Variants in EPCIP observed in about 807,000 individuals in gnomAD.
EPCIP encodes the protein exosomal polycystin 1 interacting protein.
chr21:32,797,234 A>C, the EPCIP span: 1 of 268,660 alleles, frequency 3.7e-6, no homozygotes, highest in Non-Finnish European at 7.5e-6. Context: ...CTAGTTGGAA[A>C]TTTTCCTCCT....
At chr21:32,808,645 C>G in the EPCIP span, among the ~76,000 whole-genome samples, 3 of 152,192 alleles carry the variant, frequency 2.0e-5, no homozygotes, top group African/African-American at 7.2e-5. Flanking sequence ...AATGTGGGAT[C>G]CTGGATGAGA....
the EPCIP span, chr21:32,810,556 C>T: frequency 8.3e-5 from 39 of 468,930 alleles, no homozygotes; most frequent in South Asian, 5.3e-4. Flanking sequence ...CCACCATGCC[C>T]GGCCCTGATC....
At chr21:32,810,294 C>T in the EPCIP span, among the ~76,000 whole-genome samples, 1,049 of 139,676 alleles carry the variant, frequency 7.5e-3, 10 homozygotes, top group Non-Finnish European at 7.9e-3. Context: ...CTCGCTCTGT[C>T]GCCCAGGCTG....
At chr21:32,806,574 T>C in the EPCIP span, among the ~76,000 whole-genome samples, 3 of 152,356 alleles carry the variant, frequency 2.0e-5, no homozygotes, top group Admixed American at 1.3e-4. Flanking sequence ...CTTAACTTCA[T>C]CTGTGCCCTC....
chr21:32,794,241 A>C, the EPCIP span: 1 of 1,614,276 alleles, frequency 6.2e-7, no homozygotes, highest in Non-Finnish European at 8.5e-7. Flanking sequence ...TTACAGTTGC[A>C]CATCAGGTTG....
At chr21:32,796,987 G>A in the EPCIP span, 1 of 432,426 alleles carries the variant, frequency 2.3e-6, no homozygotes, top group African/African-American at 2.3e-5. Flanking sequence ...GAGATCAGAA[G>A]AGAAAAGGAT....
At chr21:32,793,543 G>T in the EPCIP span, 1 of 608,650 alleles carries the variant, frequency 1.6e-6, no homozygotes. Context: ...TGGTTTTTTG[G>T]TTTCTTTTTC....
chr21:32,804,186 G>A, the EPCIP span, among the ~76,000 whole-genome samples: 4 of 151,816 alleles, frequency 2.6e-5, no homozygotes, highest in Non-Finnish European at 4.4e-5. Flanking sequence ...GGATCAGTCG[G>A]AGAACCTGTC....
the EPCIP span, among the ~76,000 whole-genome samples, chr21:32,811,616 T>G: frequency 6.6e-6 from 1 of 152,196 alleles, no homozygotes; most frequent in Non-Finnish European, 1.5e-5. Flanking sequence ...CAAGTGAGAT[T>G]CCATGCATTG....
At chr21:32,809,285 T>TCC in the EPCIP span, among the ~76,000 whole-genome samples, 1 of 102,384 alleles carries the variant, frequency 9.8e-6, no homozygotes, top group Non-Finnish European at 2.0e-5. Context: ...CCTTCCTTTC[T>TCC]TTCTTTCTTT....
the EPCIP span, among the ~76,000 whole-genome samples, chr21:32,811,573 C>T: frequency 6.6e-6 from 1 of 152,168 alleles, no homozygotes; most frequent in East Asian, 1.9e-4. Context: ...GAAATTACAG[C>T]GCTATTTCCT....
chr21:32,803,156 C>G, the EPCIP span, among the ~76,000 whole-genome samples: 6 of 152,310 alleles, frequency 3.9e-5, no homozygotes, highest in East Asian at 1.2e-3. Context: ...TCTTAACTCC[C>G]TGATCATCCA....
the EPCIP span, among the ~76,000 whole-genome samples, chr21:32,795,226 T>C: frequency 6.6e-6 from 1 of 152,154 alleles, no homozygotes; most frequent in East Asian, 1.9e-4. Flanking sequence ...CAGAAGAAAT[T>C]TATGAACTGA....
chr21:32,810,741 T>C, the EPCIP span: 1 of 462,692 alleles, frequency 2.2e-6, no homozygotes, highest in East Asian at 7.0e-5. Context: ...ATGTCCCACA[T>C]TGTATCTGAT....
At chr21:32,809,904 T>C in the EPCIP span, among the ~76,000 whole-genome samples, 1 of 148,240 alleles carries the variant, frequency 6.7e-6, no homozygotes, top group Non-Finnish European at 1.5e-5. Context: ...TAAGATAAAT[T>C]AAAAAAAAAA....
the EPCIP span, chr21:32,794,209 T>C: frequency 6.2e-7 from 1 of 1,614,264 alleles, no homozygotes; most frequent in Admixed American, 1.7e-5. Flanking sequence ...TGGTTCGCTC[T>C]ACTGCAAGGG....
At chr21:32,807,457 C>T in the EPCIP span, among the ~76,000 whole-genome samples, 8 of 151,878 alleles carry the variant, frequency 5.3e-5, no homozygotes, top group South Asian at 4.1e-4. Context: ...CTCAGCCTCC[C>T]GAGTAGCTGG....
the EPCIP span, among the ~76,000 whole-genome samples, chr21:32,799,241 T>C: frequency 1.3e-5 from 2 of 152,260 alleles, no homozygotes; most frequent in South Asian, 2.1e-4. Flanking sequence ...GCAACTCTAC[T>C]CCTCTCAGTC....
the EPCIP span, chr21:32,793,667 G>A: frequency 1.8e-6 from 2 of 1,110,750 alleles, no homozygotes; most frequent in Non-Finnish European, 2.8e-6. Flanking sequence ...ACAGTTGTGG[G>A]TAGGGATACC....
Sources: gnomAD v4.1 joint callset for allele counts (sites outside exome capture counted in the v4.1 genomes callset) on GRCh38, gnomAD v4.1.1 for gene constraint, MANE v1.5 for transcripts, NCBI Gene and HGNC (gene_info 2026-07-23, HGNC 2026-07-21) for gene names.